The following PLCB1 variants were observed in gnomAD, a reference collection of about 807,000 sequenced individuals.
PLCB1 encodes phospholipase C beta 1.
In PLCB1, 46 loss-of-function variants were observed where a neutral mutation model predicts 161.8. The observed-to-expected ratio is 0.28, with a 90% CI of 0.22 to 0.36. PLCB1 has a LOEUF of 0.36. PLCB1 is among the 10% of genes least tolerant of loss of function. The pLI is 1.00. For synonymous variants in PLCB1, 517 were observed against 503.7 expected (o/e 1.03, Z -0.35); for missense variants, 1,016 against 1,472.5 (o/e 0.69, Z 5.07).
At chr20:8,681,100 A>ATATAT (rs1990204625) in intron 9 of PLCB1, among the ~76,000 whole-genome samples, 4 of 128,996 alleles carry the variant, frequency 3.1e-5, no homozygotes. Context: ...ATATATATAT[A>ATATAT]TATATATATA....
chr20:8,594,641 T>C (rs1987265188), intron 3 of PLCB1, among the ~76,000 whole-genome samples: 1 of 151,996 alleles, frequency 6.6e-6, no homozygotes, highest in Non-Finnish European at 1.5e-5. Context: ...AGTGTCTTTT[T>C]GCACATTGAC....
intron 3 of PLCB1, among the ~76,000 whole-genome samples, chr20:8,603,452 C>T (rs1987659631): frequency 6.6e-6 from 1 of 152,182 alleles, no homozygotes; most frequent in Admixed American, 6.5e-5. Context: ...TTAGCATCAC[C>T]AGCTGGCTCC....
intron 31 of PLCB1, among the ~76,000 whole-genome samples, chr20:8,822,034 C>CTTTTT (rs1166587981): frequency 1.5e-4 from 22 of 148,126 alleles, no homozygotes; most frequent in African/African-American, 5.5e-4. Context: ...ATCTTTTTTC[C>CTTTTT]TTTTTTTTTT....
chr20:8,662,035 T>TTATATAATTA, intron 9 of PLCB1, among the ~76,000 whole-genome samples: 7 of 59,500 alleles, frequency 1.2e-4, no homozygotes, highest in African/African-American at 5.2e-4. Flanking sequence ...CAATTATTTA[T>TTATATAATTA]TATATAATTA....
chr20:8,147,152 C>T (rs1489990812), intron 1 of PLCB1, among the ~76,000 whole-genome samples: 2 of 152,158 alleles, frequency 1.3e-5, no homozygotes, highest in African/African-American at 4.8e-5. Context: ...ACAGCATCAG[C>T]ATCACCATGA....
At chr20:8,874,113 A>T (rs1987697078) in intron 31 of PLCB1, among the ~76,000 whole-genome samples, 1 of 151,960 alleles carries the variant, frequency 6.6e-6, no homozygotes, top group African/African-American at 2.4e-5. Flanking sequence ...TAAATATGTT[A>T]ATTGGCTTTA....
chr20:8,405,674 T>G (rs766602646), intron 3 of PLCB1, among the ~76,000 whole-genome samples: 5 of 152,092 alleles, frequency 3.3e-5, no homozygotes, highest in Non-Finnish European at 7.4e-5. Context: ...CCAAAAACCT[T>G]CCCTGTTAGA....
intron 11 of PLCB1, among the ~76,000 whole-genome samples, chr20:8,700,787 A>G (rs546958432): frequency 1.3e-3 from 195 of 149,168 alleles, no homozygotes; most frequent in Non-Finnish European, 2.4e-3. Context: ...ACAGGAGTGA[A>G]TTCATCATCC....
intron 2 of PLCB1, among the ~76,000 whole-genome samples, chr20:8,288,234 T>G (rs6140587): frequency 1.6e-3 from 224 of 143,078 alleles, no homozygotes; most frequent in African/African-American, 5.8e-3. Flanking sequence ...CTTCTTGTCC[T>G]TGAGGGGCCT....
intron 2 of PLCB1, among the ~76,000 whole-genome samples, chr20:8,314,381 G>T (rs1202079928): frequency 6.6e-6 from 1 of 152,174 alleles, no homozygotes; most frequent in African/African-American, 2.4e-5. Context: ...GGAAATGATA[G>T]TGATGGCAAA....
chr20:8,635,681 C>T (rs1336519742), intron 4 of PLCB1, among the ~76,000 whole-genome samples: 2 of 152,118 alleles, frequency 1.3e-5, no homozygotes, highest in East Asian at 1.9e-4. Flanking sequence ...TAGTTGACAC[C>T]TTTCAGGATA....
Position 8,433,492 on chromosome 20 carries a change from G to A in PLCB1, c.246+62042G>A, listed in dbSNP as rs749961874. ...CGAATTGCAAAGTAAAGCCCCTGCT[G>A]TGGAGTGAATTTGCTTATGTCACAC... On this transcript the variant is annotated intron_variant, in intron 3 of 31. Transcript: ENST00000338037. Among the ~76,000 whole-genome samples, 27 of 147,742 alleles carry A rather than the reference G, an allele frequency of 1.8e-4. 2 individuals are homozygous for A. The highest frequency in any genetic ancestry group is 2.7e-4 in the Non-Finnish European group (18 of 66,876).
intron 11 of PLCB1, among the ~76,000 whole-genome samples, chr20:8,703,753 C>G (rs1978501956): frequency 6.6e-6 from 1 of 152,024 alleles, no homozygotes; most frequent in African/African-American, 2.4e-5. Flanking sequence ...CACTAGCATC[C>G]CCACTGTGGG....
chr20:8,367,383 C>T (rs6077353), intron 2 of PLCB1, among the ~76,000 whole-genome samples: 1 of 152,158 alleles, frequency 6.6e-6, no homozygotes, highest in South Asian at 2.1e-4. Context: ...TCAGGCCTGC[C>T]TCAGACTCAC....
chr20:8,419,976 A>G (rs887565518), intron 3 of PLCB1, among the ~76,000 whole-genome samples: 1 of 152,198 alleles, frequency 6.6e-6, no homozygotes, highest in Non-Finnish European at 1.5e-5. Flanking sequence ...AAATTATTAC[A>G]AGGGGATTTG....
At chr20:8,576,459 A>C (rs1986675569) in intron 3 of PLCB1, among the ~76,000 whole-genome samples, 1 of 143,994 alleles carries the variant, frequency 6.9e-6, no homozygotes, top group Admixed American at 6.8e-5. Flanking sequence ...TCATTTTAGC[A>C]AAAGGTTTGG....
At chr20:8,805,876 C>T (rs1039891343) in intron 31 of PLCB1, among the ~76,000 whole-genome samples, 3 of 152,144 alleles carry the variant, frequency 2.0e-5, no homozygotes, top group African/African-American at 7.2e-5. Flanking sequence ...CCTCAATATA[C>T]TTATCTGTAA....
At chr20:8,222,214 T>C (rs926070607) in intron 2 of PLCB1, among the ~76,000 whole-genome samples, 12 of 152,302 alleles carry the variant, frequency 7.9e-5, no homozygotes, top group African/African-American at 2.9e-4. Flanking sequence ...GTTATTAATT[T>C]CTGAAGTTCT....
intron 3 of PLCB1, among the ~76,000 whole-genome samples, chr20:8,441,697 T>C (rs922178428): frequency 6.6e-6 from 1 of 152,106 alleles, no homozygotes; most frequent in South Asian, 2.1e-4. Context: ...CTCTCAGATA[T>C]TGATCACTCT....
Sources: gnomAD v4.1 joint callset for allele counts (sites outside exome capture counted in the v4.1 genomes callset) on GRCh38, gnomAD v4.1.1 for gene constraint, MANE v1.5 for transcripts, NCBI Gene and HGNC (gene_info 2026-07-23, HGNC 2026-07-21) for gene names.